PCDH9: variants seen among roughly 807,000 people sequenced by gnomAD.
PCDH9 encodes protocadherin-9.
A neutral mutation model predicts 70.6 loss-of-function variants in PCDH9; 24 were observed. The observed-to-expected ratio is 0.34, with a 90% confidence interval of 0.25 to 0.48. PCDH9 has a LOEUF of 0.48. Among genes scored for constraint, PCDH9 ranks in the 20% least tolerant of loss-of-function variants. The pLI is 0.99. For synonymous variants in PCDH9, 562 were observed against 558.5 expected (o/e 1.01, Z -0.09); for missense variants, 1,281 against 1,503.6 (o/e 0.85, Z 2.45).
chr13:66,367,200 C>T (rs1956567379), intron 4 of PCDH9, among the ~76,000 whole-genome samples: 1 of 151,912 alleles, frequency 6.6e-6, no homozygotes, highest in South Asian at 2.1e-4. Flanking sequence ...TCTCCTTCAC[C>T]TTCAGCAACA....
intron 2 of PCDH9, among the ~76,000 whole-genome samples, chr13:67,170,684 G>T (rs2088256704): frequency 6.6e-6 from 1 of 152,182 alleles, no homozygotes; most frequent in Non-Finnish European, 1.5e-5. Context: ...CAGCACTTTG[G>T]GAGGTCGAGG....
chr13:66,952,523 G>A (rs995801945), intron 2 of PCDH9, among the ~76,000 whole-genome samples: 29 of 152,114 alleles, frequency 1.9e-4, no homozygotes, highest in Admixed American at 1.4e-3. Flanking sequence ...CAGTGGAATA[G>A]TTTACCCTAG....
At chr13:66,773,094 C>A (rs2079834072) in intron 3 of PCDH9, among the ~76,000 whole-genome samples, 1 of 152,132 alleles carries the variant, frequency 6.6e-6, no homozygotes, top group Non-Finnish European at 1.5e-5. Context: ...ACTACGTGAC[C>A]GATCCTAAGT....
intron 4 of PCDH9, among the ~76,000 whole-genome samples, chr13:66,538,498 C>G (rs1960804004): frequency 6.6e-6 from 1 of 152,078 alleles, no homozygotes; most frequent in African/African-American, 2.4e-5. Context: ...GACATATATA[C>G]ATAGTGGAAG....
intron 4 of PCDH9, among the ~76,000 whole-genome samples, chr13:66,467,406 T>C (rs932322898): frequency 6.6e-6 from 1 of 152,040 alleles, no homozygotes; most frequent in Non-Finnish European, 1.5e-5. Context: ...GTCTACTCAC[T>C]AGAAATTGTC....
intron 2 of PCDH9, among the ~76,000 whole-genome samples, chr13:67,040,802 T>C (rs1170303128): frequency 6.6e-6 from 1 of 152,134 alleles, no homozygotes; most frequent in Non-Finnish European, 1.5e-5. Flanking sequence ...TTTGGAAAAA[T>C]ATAAAGTATA....
intron 3 of PCDH9, among the ~76,000 whole-genome samples, chr13:66,809,149 C>T (rs777618196): frequency 6.6e-6 from 1 of 152,052 alleles, no homozygotes; most frequent in Non-Finnish European, 1.5e-5. Flanking sequence ...GGGGTTTCAC[C>T]GTGTTAGCCA....
intron 2 of PCDH9, among the ~76,000 whole-genome samples, chr13:67,174,285 TAGAC>T (rs1457779775): frequency 2.0e-5 from 3 of 151,436 alleles, no homozygotes; most frequent in East Asian, 3.9e-4. Flanking sequence ...GATAGCTAGA[TAGAC>T]AGATGATAGA....
intron 3 of PCDH9, among the ~76,000 whole-genome samples, chr13:66,649,866 C>T (rs1593837424): frequency 6.6e-6 from 1 of 151,810 alleles, no homozygotes; most frequent in East Asian, 1.9e-4. Context: ...TCTTCACTCA[C>T]TTGTTTGTTT....
chr13:66,547,491 C>T (rs17081503), intron 4 of PCDH9, among the ~76,000 whole-genome samples: 39,364 of 151,934 alleles, frequency 0.26, 5,328 homozygotes, highest in South Asian at 0.34. Context: ...GATTTTCTAA[C>T]GGGTGCAAAG....
At chr13:66,983,384 T>C (rs1383466273) in intron 2 of PCDH9, among the ~76,000 whole-genome samples, 2 of 152,058 alleles carry the variant, frequency 1.3e-5, no homozygotes, top group Admixed American at 1.3e-4. Flanking sequence ...CCCTTTACTA[T>C]CCATTAGAGT....
chr13:66,484,327 A>G (rs1478274907), intron 4 of PCDH9, among the ~76,000 whole-genome samples: 1 of 151,984 alleles, frequency 6.6e-6, no homozygotes, highest in Non-Finnish European at 1.5e-5. Flanking sequence ...CCCTAGATAC[A>G]TACTGCCGTA....
chr13:66,515,139 G>A (rs1273058663), intron 4 of PCDH9, among the ~76,000 whole-genome samples: 15 of 152,062 alleles, frequency 9.9e-5, no homozygotes, highest in Non-Finnish European at 2.1e-4. Context: ...GAAAGGAGTT[G>A]TGGGGAATTT....
intron 2 of PCDH9, among the ~76,000 whole-genome samples, chr13:67,118,765 T>C (rs1481261386): frequency 1.3e-5 from 2 of 152,186 alleles, no homozygotes; most frequent in East Asian, 3.8e-4. Flanking sequence ...ATTCTAAATA[T>C]CTATATCTAT....
At chr13:66,921,745 G>T (rs983426171) in intron 2 of PCDH9, among the ~76,000 whole-genome samples, 1 of 151,292 alleles carries the variant, frequency 6.6e-6, no homozygotes, top group Non-Finnish European at 1.5e-5. Flanking sequence ...TAATAAAAGG[G>T]GAATTGTTAT....
intron 4 of PCDH9, among the ~76,000 whole-genome samples, chr13:66,515,211 A>G (rs1482862338): frequency 6.6e-6 from 1 of 152,094 alleles, no homozygotes; most frequent in Non-Finnish European, 1.5e-5. Context: ...TATGTTATCA[A>G]GTTACTCACA....
rs554181813 is a variant in PCDH9, at chr13:66,519,590, AG to A, written c.3340+111619del. Among the ~76,000 whole-genome samples the A allele has an allele frequency of 7.9e-5, 12 of 152,242 alleles. No homozygotes were observed. In the East Asian group the frequency reaches 2.1e-3, roughly 27 times the overall value. ...GTCATTTTGGCCCTAAGATTTTATG[AG>A]TCTATGAATCCTCTTAGAATGTGAG... On this transcript the variant is annotated intron_variant, in intron 4 of 4. Coordinates refer to ENST00000377865, the MANE Select transcript of PCDH9 (RefSeq NM_203487.3).
chr13:67,220,322 A>G (rs1356642543), intron 2 of PCDH9: 1 of 151,992 alleles, frequency 6.6e-6, no homozygotes, highest in African/African-American at 2.4e-5. Flanking sequence ...TATAAGTATA[A>G]TTTATAGATA....
At chr13:66,939,796 G>C (rs1428596928) in intron 2 of PCDH9, among the ~76,000 whole-genome samples, 1 of 151,946 alleles carries the variant, frequency 6.6e-6, no homozygotes, top group Non-Finnish European at 1.5e-5. Context: ...ACTGATAGAA[G>C]ACTACAAGGC....
Sources: allele counts gnomAD v4.1 joint callset (sites outside exome capture counted in the v4.1 genomes callset), GRCh38; gene constraint gnomAD v4.1.1; transcripts MANE v1.5; gene names NCBI Gene and HGNC (gene_info 2026-07-23, HGNC 2026-07-21).